Variants in EYA1 observed in about 807,000 individuals in gnomAD.
The protein encoded by EYA1 is EYA transcriptional coactivator and phosphatase 1, also known as protein phosphatase EYA1.
Under a neutral mutation model 82.0 loss-of-function variants are expected in EYA1, and 16 were observed. The ratio of observed to expected loss-of-function variants is 0.20; its 90% CI spans 0.13 to 0.30. EYA1 has a LOEUF of 0.30. Ranked by LOEUF, EYA1 falls within the 10% of genes least tolerant of loss-of-function variation. The pLI, the probability that EYA1 is intolerant of heterozygous loss-of-function variation, is 1.00. For synonymous variants in EYA1, 261 were observed against 264.4 expected (o/e 0.99, Z 0.12); for missense variants, 633 against 730.7 (o/e 0.87, Z 1.54).
intron 2 of EYA1, among the ~76,000 whole-genome samples, chr8:71,373,247 G>A (rs185160482): frequency 6.6e-6 from 1 of 151,980 alleles, no homozygotes; most frequent in Non-Finnish European, 1.5e-5. Flanking sequence ...CCCCTTAAAG[G>A]TTCCACAAAA....
At chr8:71,544,003 A>T (rs1327745239) in intron 1 of EYA1, among the ~76,000 whole-genome samples, 1 of 152,132 alleles carries the variant, frequency 6.6e-6, no homozygotes, top group Non-Finnish European at 1.5e-5. Context: ...CAGAGTAAGG[A>T]TTGCCTGATG....
chr8:71,424,204 T>C (rs1486459684), intron 2 of EYA1, among the ~76,000 whole-genome samples: 1 of 152,212 alleles, frequency 6.6e-6, no homozygotes, highest in Admixed American at 6.5e-5. Flanking sequence ...AGGGAATATA[T>C]TTATCTGGCA....
chr8:71,327,643 C>G (rs1456487665), intron 4 of EYA1, among the ~76,000 whole-genome samples: 1 of 152,132 alleles, frequency 6.6e-6, no homozygotes, highest in Non-Finnish European at 1.5e-5. Context: ...TTCTTCCTTT[C>G]TTTCACTCTC....
chr8:71,378,165 C>A (rs1828483896), intron 2 of EYA1, among the ~76,000 whole-genome samples: 1 of 152,092 alleles, frequency 6.6e-6, no homozygotes, highest in Non-Finnish European at 1.5e-5. Flanking sequence ...GATGTATTTT[C>A]TTTTCTCAGC....
chr8:71,199,228 C>A lies in EYA1; in HGVS notation c.*112G>T. On this transcript the variant is annotated 3_prime_UTR_variant, in exon 18 of 18. Transcript: ENST00000340726. ...GTCAAGACTGACAGCAACTGCGCAT[C>A]ACCAGGCGGAAATTGCTAAGTTCTG... 1.3e-6 allele frequency: 1 copy of A among 763,222 alleles called. No homozygotes were observed. Among genetic ancestry groups the A allele is most frequent in the South Asian group, 1.5e-5 (1 of 68,130 alleles). The allele number at this position is 763,222 out of a possible 1,614,324, so 47.3% of individuals were successfully genotyped here.
chr8:71,545,054 C>T (rs951891760), intron 1 of EYA1, among the ~76,000 whole-genome samples: 1 of 152,186 alleles, frequency 6.6e-6, no homozygotes, highest in African/African-American at 2.4e-5. Flanking sequence ...AAAAGCAGAG[C>T]CAGTCTGGAT....
intron 2 of EYA1, among the ~76,000 whole-genome samples, chr8:71,427,702 C>T (rs1379145115): frequency 6.6e-6 from 1 of 152,068 alleles, no homozygotes; most frequent in Non-Finnish European, 1.5e-5. Flanking sequence ...ACAGGGAAGG[C>T]TAGTGCATCT....
At chr8:71,364,706 T>C (rs558646114), upstream of EYA1, among the ~76,000 whole-genome samples, 15 of 151,826 alleles carry the variant, frequency 9.9e-5, no homozygotes, top group African/African-American at 3.6e-4. Context: ...CAATAAAAAA[T>C]ACATAATTTT....
chr8:71,280,713 T>TC (rs1449347894), intron 9 of EYA1, among the ~76,000 whole-genome samples: 2 of 152,216 alleles, frequency 1.3e-5, no homozygotes, highest in African/African-American at 4.8e-5. Flanking sequence ...TTGCTTTTTT[T>TC]CCGATAAAAG....
intron 2 of EYA1, among the ~76,000 whole-genome samples, chr8:71,435,823 T>C (rs571674934): frequency 3.3e-5 from 5 of 152,252 alleles, no homozygotes; most frequent in African/African-American, 4.8e-5. Context: ...CAGTGTTGGA[T>C]GGATTCAGAT....
intron 3 of EYA1, among the ~76,000 whole-genome samples, chr8:71,353,211 G>A (rs1339952759): frequency 6.6e-6 from 1 of 152,170 alleles, no homozygotes. Context: ...TCCTGCATGA[G>A]GCCTGCCGGC....
intron 17 of EYA1, among the ~76,000 whole-genome samples, chr8:71,204,798 G>C (rs1467272574): frequency 3.9e-5 from 6 of 152,174 alleles, no homozygotes. Flanking sequence ...AAGATATCAA[G>C]GGAGAACTTA....
chr8:71,271,977 G>T, intron 9 of EYA1, 80 bp from the exon 10 acceptor site: 2 of 1,495,642 alleles, frequency 1.3e-6, no homozygotes, highest in Non-Finnish European at 1.9e-6. Context: ...AATTCACAAG[G>T]GGAGTTTCAA....
rs76548836 is a variant in EYA1 at position 71,355,193 on chromosome 8, G to C, written c.-4-284C>G. 9.3e-3 allele frequency among the ~76,000 whole-genome samples: 1,413 copies of C among 152,232 alleles called. 22 individuals are homozygous for C. The highest frequency in any genetic ancestry group is 0.032 in the African/African-American group (1,314 of 41,530). On this transcript the variant is annotated intron_variant, in intron 2 of 17. Coordinates refer to ENST00000340726, the MANE Select transcript of EYA1 (RefSeq NM_000503.6). ...CATCAAGTCACAAGGTCTAATGTGA[G>C]ACAATGACATCTATTATAATTTTCA...
chr8:71,290,315 C>T (rs1050521618), intron 9 of EYA1, among the ~76,000 whole-genome samples: 1 of 152,106 alleles, frequency 6.6e-6, no homozygotes, highest in Non-Finnish European at 1.5e-5. Flanking sequence ...CAGTAAATGC[C>T]GATGTCCTCC....
At chr8:71,283,263 G>A (rs1818019961) in intron 9 of EYA1, among the ~76,000 whole-genome samples, 1 of 152,024 alleles carries the variant, frequency 6.6e-6, no homozygotes, top group Non-Finnish European at 1.5e-5. Flanking sequence ...CAGATATTAA[G>A]GTGGCTCTCT....
chr8:71,425,813 C>T (rs1490810522), intron 2 of EYA1, among the ~76,000 whole-genome samples: 1 of 152,174 alleles, frequency 6.6e-6, no homozygotes, highest in Non-Finnish European at 1.5e-5. Context: ...GAAAGAGGGG[C>T]AGTATTCCAG....
intron 2 of EYA1, among the ~76,000 whole-genome samples, chr8:71,383,488 T>C (rs756451931): frequency 6.6e-6 from 1 of 152,134 alleles, no homozygotes; most frequent in Non-Finnish European, 1.5e-5. Flanking sequence ...AATTTTAATA[T>C]TGTGGTATAT....
intron 3 of EYA1, among the ~76,000 whole-genome samples, chr8:71,352,807 T>C (rs1408356039): frequency 6.6e-6 from 1 of 152,220 alleles, no homozygotes; most frequent in East Asian, 1.9e-4. Context: ...TTCAGAAATA[T>C]ATTATTACTC....
Sources: gnomAD v4.1 joint callset for allele counts (sites outside exome capture counted in the v4.1 genomes callset) on GRCh38, gnomAD v4.1.1 for gene constraint, MANE v1.5 for transcripts, NCBI Gene and HGNC (gene_info 2026-07-23, HGNC 2026-07-21) for gene names.